Variants in SCMH1 observed in about 807,000 individuals in gnomAD.
SCMH1 encodes the protein polycomb protein SCMH1.
A neutral mutation model predicts 70.8 loss-of-function variants in SCMH1; 37 were observed. That is an observed-to-expected ratio of 0.52 (90% CI 0.40 to 0.69). The LOEUF is 0.69. SCMH1 is among the 30% of genes least tolerant of loss of function. The probability of loss-of-function intolerance (pLI) is 0.00; values close to 1 mark genes in which losing one functional copy is unlikely to be tolerated. For synonymous variants in SCMH1, 292 were observed against 307.4 expected (o/e 0.95, Z 0.52); for missense variants, 607 against 827.3 (o/e 0.73, Z 3.27).
intron 9 of SCMH1, among the ~76,000 whole-genome samples, chr1:41,073,963 A>C (rs940395945): frequency 2.0e-5 from 3 of 152,118 alleles, no homozygotes; most frequent in African/African-American, 7.2e-5. Flanking sequence ...ACTGGAACTC[A>C]GGTATTCTTG....
chr1:41,236,316 C>G (rs1370154890), intron 1 of SCMH1, among the ~76,000 whole-genome samples: 1 of 152,160 alleles, frequency 6.6e-6, no homozygotes, highest in Non-Finnish European at 1.5e-5. Flanking sequence ...GGAGAATGTG[C>G]TGCATCCATT....
intron 8 of SCMH1, among the ~76,000 whole-genome samples, chr1:41,109,675 A>G: frequency 6.6e-6 from 1 of 152,198 alleles, no homozygotes; most frequent in African/African-American, 2.4e-5. Flanking sequence ...CTACCTTCTG[A>G]GCCTGGTCCT....
At chr1:41,040,209 G>T (rs548276493) in intron 12 of SCMH1, among the ~76,000 whole-genome samples, 1 of 152,176 alleles carries the variant, frequency 6.6e-6, no homozygotes, top group Non-Finnish European at 1.5e-5. Flanking sequence ...AGCACCCTTT[G>T]TGTGTGTGAC....
At chr1:41,050,434 C>T (rs939333508) in intron 10 of SCMH1, among the ~76,000 whole-genome samples, 5 of 152,142 alleles carry the variant, frequency 3.3e-5, no homozygotes, top group African/African-American at 1.2e-4. Context: ...GGTTCACCAC[C>T]TGAAAAATGA....
intron 1 of SCMH1, among the ~76,000 whole-genome samples, chr1:41,200,609 A>G (rs1452701668): frequency 6.6e-6 from 1 of 151,574 alleles, no homozygotes; most frequent in Non-Finnish European, 1.5e-5. Flanking sequence ...TTACACACGC[A>G]CACATAAACA....
intron 1 of SCMH1, among the ~76,000 whole-genome samples, chr1:41,215,138 G>T (rs1657830040): frequency 6.6e-6 from 1 of 152,144 alleles, no homozygotes; most frequent in Non-Finnish European, 1.5e-5. Flanking sequence ...GTTAAAGTTA[G>T]TAGGTGGCTG....
intron 7 of SCMH1, among the ~76,000 whole-genome samples, chr1:41,116,138 C>T (rs1670414223): frequency 6.6e-6 from 1 of 152,220 alleles, no homozygotes; most frequent in South Asian, 2.1e-4. Flanking sequence ...GATCCCTTTA[C>T]TGCACAGCTG....
At chr1:41,045,293 T>C (rs2268679) in intron 12 of SCMH1, among the ~76,000 whole-genome samples, 11,902 of 152,232 alleles carry the variant, frequency 0.078, 603 homozygotes, top group South Asian at 0.13. Context: ...CAGGGGATCA[T>C]AGAAATGGCT....
At chr1:41,143,981 C>A (rs1401719734) in intron 5 of SCMH1, among the ~76,000 whole-genome samples, 1 of 152,032 alleles carries the variant, frequency 6.6e-6, no homozygotes, top group Non-Finnish European at 1.5e-5. Flanking sequence ...CAGCTCTTGG[C>A]GATTACAAAT....
intron 6 of SCMH1, among the ~76,000 whole-genome samples, chr1:41,126,958 GGT>G: frequency 6.6e-6 from 1 of 152,170 alleles, no homozygotes; most frequent in South Asian, 2.1e-4. Context: ...CTCCCTCTCT[GGT>G]GTGAAATGTA....
chr1:41,075,551 G>T, intron 8 of SCMH1, 100 bp from the exon 9 acceptor site: 3 of 943,202 alleles, frequency 3.2e-6, no homozygotes, highest in Non-Finnish European at 4.8e-6. Flanking sequence ...AGGTAGTTTT[G>T]TTCCAAGAAG....
At chr1:41,100,561 C>CT (rs67368837) in intron 8 of SCMH1, among the ~76,000 whole-genome samples, 1 of 67,452 alleles carries the variant, frequency 1.5e-5, no homozygotes, top group Non-Finnish European at 2.8e-5. Flanking sequence ...CTTTTCTTTT[C>CT]TTTTTCTTTT....
At chr1:41,154,361 A>G (rs981210320) in intron 4 of SCMH1, among the ~76,000 whole-genome samples, 1 of 152,210 alleles carries the variant, frequency 6.6e-6, no homozygotes, top group African/African-American at 2.4e-5. Flanking sequence ...GATGTTGGTA[A>G]AAGTCTTGTT....
rs532189872 is a variant in SCMH1 at position 41,047,017 on chromosome 1, T to C, written c.1307-419A>G. Among the ~76,000 whole-genome samples the C allele has an allele frequency of 1.2e-4, 19 of 152,314 alleles. No individual in the cohort carries two copies. The South Asian group carries it at 2.3e-3, about 18-fold the overall frequency. ...AATATAGCCATAGCCAGCAATGGTA[T>C]GGGTACACAATTTCTGATCTACATA... On this transcript the variant is annotated intron_variant, in intron 11 of 14. Transcript: ENST00000337495.
At chr1:41,050,013 G>A (rs1449143934) in intron 10 of SCMH1, among the ~76,000 whole-genome samples, 1 of 151,710 alleles carries the variant, frequency 6.6e-6, no homozygotes, top group Non-Finnish European at 1.5e-5. Context: ...CTGTAATCGC[G>A]CCACTGCACT....
intron 12 of SCMH1, among the ~76,000 whole-genome samples, chr1:41,042,474 C>G (rs947579478): frequency 3.3e-5 from 5 of 152,116 alleles, no homozygotes; most frequent in African/African-American, 1.2e-4. Flanking sequence ...GTCTCGAACT[C>G]CCGACCTCAG....
intron 6 of SCMH1, among the ~76,000 whole-genome samples, chr1:41,122,412 T>C (rs936735864): frequency 6.6e-6 from 1 of 152,188 alleles, no homozygotes; most frequent in Non-Finnish European, 1.5e-5. Context: ...CCTAAATCTA[T>C]CCTGCTTCCT....
chr1:41,110,024 G>GT (rs1352094958), intron 8 of SCMH1, among the ~76,000 whole-genome samples: 6 of 152,288 alleles, frequency 3.9e-5, no homozygotes, highest in South Asian at 2.1e-4. Context: ...TCTGCTATCA[G>GT]TTCCAAGGTA....
intron 2 of SCMH1, among the ~76,000 whole-genome samples, chr1:41,180,402 T>C (rs1015100549): frequency 1.3e-5 from 2 of 152,142 alleles, no homozygotes; most frequent in Admixed American, 1.3e-4. Flanking sequence ...GGGTATTCAA[T>C]TAGGAAAAGA....
Sources: gnomAD v4.1 joint callset for allele counts (sites outside exome capture counted in the v4.1 genomes callset) on GRCh38, gnomAD v4.1.1 for gene constraint, MANE v1.5 for transcripts, NCBI Gene and HGNC (gene_info 2026-07-23, HGNC 2026-07-21) for gene names.